DAAM1: variants seen among roughly 807,000 people sequenced by gnomAD.
DAAM1 encodes the protein dishevelled associated activator of morphogenesis 1.
DAAM1 carries 52 observed loss-of-function variants against 130.0 expected under a neutral mutation model. The ratio of observed to expected loss-of-function variants is 0.40; its 90% confidence interval spans 0.32 to 0.50. The LOEUF is 0.50. Among genes scored for constraint, DAAM1 ranks in the 20% least tolerant of loss-of-function variants. The pLI is 0.61. For missense variants in DAAM1, 1,134 were observed against 1,303.8 expected (o/e 0.87, Z 2.01); for synonymous variants, 452 against 444.5 (o/e 1.02, Z -0.21).
intron 1 of DAAM1, among the ~76,000 whole-genome samples, chr14:59,217,669 G>T (rs12147830): frequency 0.23 from 35,456 of 151,578 alleles, 4,669 homozygotes; most frequent in East Asian, 0.34. Context: ...AGACCCTGTC[G>T]CTACAAAAAA....
chr14:59,280,185 T>A (rs1171968241), intron 2 of DAAM1, among the ~76,000 whole-genome samples: 1 of 152,208 alleles, frequency 6.6e-6, no homozygotes, highest in Non-Finnish European at 1.5e-5. Context: ...GTTACTTCAA[T>A]GTATACCTTT....
At chr14:59,318,452 A>G (rs1426925177) in intron 4 of DAAM1, among the ~76,000 whole-genome samples, 1 of 150,484 alleles carries the variant, frequency 6.6e-6, no homozygotes, top group Non-Finnish European at 1.5e-5. Context: ...AAGTGCATAG[A>G]GCATTCAAAG....
intron 1 of DAAM1, among the ~76,000 whole-genome samples, chr14:59,258,785 G>T (rs1882026743): frequency 6.6e-6 from 1 of 152,156 alleles, no homozygotes; most frequent in African/African-American, 2.4e-5. Context: ...TTTAATAAAG[G>T]ACCTTGTATT....
At position 59,351,081 on chromosome 14, in the gene DAAM1, C is replaced by A. The variant is rs867183701; in HGVS notation, c.2161-1445C>A. Among the ~76,000 whole-genome samples the A allele has an allele frequency of 2.1e-5, 3 of 145,964 alleles. No homozygotes were observed. The Middle Eastern group carries it at 0.01, about 510-fold the overall frequency. Reference sequence around the variant, plus strand: ...CCCGGCCCACCCTACCTCCAGCCTTCTCTTCCTTCAATTCATGTTCCCTGT... The same window carrying A: ...CCCGGCCCACCCTACCTCCAGCCTTATCTTCCTTCAATTCATGTTCCCTGT... On this transcript the variant is annotated intron_variant, in intron 17 of 24. Coordinates refer to ENST00000360909, the MANE Select transcript of DAAM1 (RefSeq NM_001270520.2).
intron 15 of DAAM1, 141 bp downstream of exon 15, chr14:59,332,061 T>G (rs1276604191): frequency 1.4e-6 from 1 of 692,192 alleles, no homozygotes; most frequent in South Asian, 1.9e-5. Flanking sequence ...TGTCCGTGTC[T>G]CCGTCCAAGT....
At position 59,309,052 on chromosome 14, in the gene DAAM1, C is replaced by T. The variant is rs535863834; in HGVS notation, c.274-6228C>T. On this transcript the variant is annotated intron_variant, in intron 3 of 24. Transcript: ENST00000360909. ...GAATTATTTTCTGAAACCAATTGCC[C>T]TTCTTTTGGCAAGCTTCAGATATAG... Among the ~76,000 whole-genome samples the T allele has an allele frequency of 7.9e-5, 12 of 152,296 alleles. 1 individual carries two copies. In the South Asian group the frequency reaches 1.2e-3, roughly 16 times the overall value.
chr14:59,332,998 A>G (rs990934549), intron 15 of DAAM1, among the ~76,000 whole-genome samples: 2 of 152,154 alleles, frequency 1.3e-5, no homozygotes, highest in African/African-American at 4.8e-5. Context: ...AGTCCCCAAG[A>G]AAGAGTGTAT....
At chr14:59,207,976 G>A (rs1888313968) in intron 1 of DAAM1, among the ~76,000 whole-genome samples, 1 of 152,018 alleles carries the variant, frequency 6.6e-6, no homozygotes, top group African/African-American at 2.4e-5. Context: ...ATTAATTTAG[G>A]TTCACTGTGG....
intron 5 of DAAM1, among the ~76,000 whole-genome samples, chr14:59,322,501 GAAAA>G (rs10570231): frequency 6.8e-6 from 1 of 147,338 alleles, no homozygotes; most frequent in Non-Finnish European, 1.5e-5. Flanking sequence ...CTCTCTTAAA[GAAAA>G]AAAAAAAAAG....
rs1016458608 is a variant in DAAM1 at position 59,338,478 on chromosome 14, C to G, written c.1969-1596C>G. 34 of 1,567,960 alleles carry G rather than the reference C, an allele frequency of 2.2e-5. No homozygotes were observed. The Middle Eastern group carries it at 5.0e-4, about 23-fold the overall frequency. ...CCTTGGCTCACTGTAAGCTTGAAAT[C>G]TCTTCGTTATCCAGGGTTTTGTTTT... On this transcript the variant is annotated intron_variant, in intron 15 of 24. Transcript: ENST00000360909.
At chr14:59,318,547 G>T (rs1423540493) in intron 4 of DAAM1, among the ~76,000 whole-genome samples, 1 of 150,896 alleles carries the variant, frequency 6.6e-6, no homozygotes, top group African/African-American at 2.4e-5. Flanking sequence ...TCTACTAAAA[G>T]TTGCAAATTA....
chr14:59,323,346 G>A, intron 6 of DAAM1, 121 bp downstream of exon 6: 2 of 1,075,682 alleles, frequency 1.9e-6, no homozygotes, highest in Non-Finnish European at 2.6e-6. Context: ...ATTACTCACA[G>A]TGTGACTTTA....
Position 59,315,403 on chromosome 14 carries a change from A to T in DAAM1, c.345+52A>T, listed in dbSNP as rs112885174. On this transcript the variant is annotated intron_variant, in intron 4 of 24. Transcript: ENST00000360909. ...ACACTGTTTAAAATGCAAGTGTAGT[A>T]CAAAGTACACAGTTGCACAATAAAT... 133 of 1,510,598 alleles carry T rather than the reference A, an allele frequency of 8.8e-5. 2 individuals carry two copies. The African/African-American group carries it at 1.5e-3, about 17-fold the overall frequency. The allele number at this position is 1,510,598 out of a possible 1,614,324, so 93.6% of individuals were successfully genotyped here. A position where few individuals can be genotyped will look rare whatever the true frequency, so the allele number is the denominator to read the frequency against.
At chr14:59,276,896 C>T (rs1882993005) in intron 2 of DAAM1, among the ~76,000 whole-genome samples, 2 of 152,170 alleles carry the variant, frequency 1.3e-5, no homozygotes, top group African/African-American at 4.8e-5. Context: ...CTTAGTCCTC[C>T]TGCCCATTCC....
intron 1 of DAAM1, among the ~76,000 whole-genome samples, chr14:59,231,712 T>C (rs571181186): frequency 6.6e-6 from 1 of 152,248 alleles, no homozygotes; most frequent in East Asian, 1.9e-4. Flanking sequence ...TAGTTAGAAC[T>C]TGATGAGGAA....
chr14:59,322,425 G>A (rs1205618447), intron 5 of DAAM1, among the ~76,000 whole-genome samples: 1 of 151,982 alleles, frequency 6.6e-6, no homozygotes, highest in African/African-American at 2.4e-5. Context: ...GGGAGGCTGG[G>A]GTGGAAGGAT....
chr14:59,261,602 C>G (rs569775805), intron 1 of DAAM1, among the ~76,000 whole-genome samples: 5 of 152,330 alleles, frequency 3.3e-5, no homozygotes, highest in African/African-American at 1.2e-4. Flanking sequence ...CTTTCCCTCT[C>G]TTCCCGTCAC....
intron 3 of DAAM1, among the ~76,000 whole-genome samples, chr14:59,305,788 C>T (rs1046443380): frequency 1.3e-5 from 2 of 152,174 alleles, no homozygotes; most frequent in Non-Finnish European, 2.9e-5. Context: ...GCACTCTTTT[C>T]TTGCTTTTCT....
chr14:59,360,360 T>C (rs1886656496), intron 21 of DAAM1, among the ~76,000 whole-genome samples: 1 of 152,192 alleles, frequency 6.6e-6, no homozygotes, highest in East Asian at 1.9e-4. Flanking sequence ...GTAATAGTCA[T>C]ATTATTGGGG....
Sources: gnomAD v4.1 joint callset for allele counts (sites outside exome capture counted in the v4.1 genomes callset) on GRCh38, gnomAD v4.1.1 for gene constraint, MANE v1.5 for transcripts, NCBI Gene and HGNC (gene_info 2026-07-23, HGNC 2026-07-21) for gene names.